The following BNC2 variants were observed in gnomAD, a reference collection of about 807,000 sequenced individuals.
BNC2 encodes basonuclin zinc finger protein 2, also known as zinc finger protein basonuclin-2.
A neutral mutation model predicts 76.3 loss-of-function variants in BNC2; 20 were observed. That is an observed-to-expected ratio of 0.26 (90% CI 0.18 to 0.38). The LOEUF (loss-of-function observed/expected upper bound fraction) is 0.38. Among genes scored for constraint, BNC2 ranks in the 10% least tolerant of loss-of-function variants. The probability of loss-of-function intolerance (pLI) is 1.00; values close to 1 mark genes in which losing one functional copy is unlikely to be tolerated. For missense variants in BNC2, 1,382 were observed against 1,399.8 expected (o/e 0.99, Z 0.20); for synonymous variants, 582 against 514.8 (o/e 1.13, Z -1.77).
chr9:16,458,830 T>C (rs1244846236), intron 5 of BNC2, among the ~76,000 whole-genome samples: 1 of 152,222 alleles, frequency 6.6e-6, no homozygotes, highest in Non-Finnish European at 1.5e-5. Context: ...CCTCACTTAA[T>C]TACTCCATCA....
chr9:16,464,803 C>T (rs1393155443), intron 5 of BNC2, among the ~76,000 whole-genome samples: 2 of 152,130 alleles, frequency 1.3e-5, no homozygotes, highest in African/African-American at 4.8e-5. Context: ...ATCTCCTATC[C>T]TTTCTACTTA....
intron 1 of BNC2, among the ~76,000 whole-genome samples, chr9:16,781,083 A>T (rs775801892): frequency 8.6e-5 from 13 of 151,992 alleles, no homozygotes; most frequent in Admixed American, 3.3e-4. Context: ...TAGAGTGGGC[A>T]CTCTAAAAAA....
At chr9:16,818,888 CT>C (rs35848071) in intron 1 of BNC2, among the ~76,000 whole-genome samples, 114,599 of 152,006 alleles carry the variant, frequency 0.75, 43,567 homozygotes, top group Admixed American at 0.79. Flanking sequence ...TTAAGAAGTA[CT>C]TTAGCTAGAG....
At chr9:16,492,876 G>A (rs1272891814) in intron 5 of BNC2, among the ~76,000 whole-genome samples, 1 of 151,974 alleles carries the variant, frequency 6.6e-6, no homozygotes, top group African/African-American at 2.4e-5. Flanking sequence ...CTGAAACGTT[G>A]TGTCTTAAGT....
rs1341269345 is a variant in BNC2 at position 16,415,127 on chromosome 9, G to A, written c.*3862C>T. 2 of 152,092 alleles carry A rather than the reference G, an allele frequency of 1.3e-5. No homozygotes were observed. The highest frequency in any genetic ancestry group is 4.8e-5 in the African/African-American group (2 of 41,392). The allele number at this position is 152,092 out of a possible 1,614,324, so 9.4% of individuals were successfully genotyped here. On this transcript the variant is annotated 3_prime_UTR_variant, in exon 7 of 7. Coordinates refer to ENST00000380672, the MANE Select transcript of BNC2 (RefSeq NM_017637.6). Reference sequence around the variant, plus strand: ...ATTAACACCTTTAAACCTTTAAAAGGCATCAGGCTGAACAGGGCAGCTGGA... The same window carrying A: ...ATTAACACCTTTAAACCTTTAAAAGACATCAGGCTGAACAGGGCAGCTGGA...
intron 1 of BNC2, among the ~76,000 whole-genome samples, chr9:16,751,698 A>ATATATATGTGTGTGTGTG (rs1563927032): frequency 2.1e-5 from 3 of 140,278 alleles, no homozygotes; most frequent in Non-Finnish European, 4.6e-5. Context: ...GTGTGTATAT[A>ATATATATGTGTGTGTGTG]TATATATATG....
intron 1 of BNC2, among the ~76,000 whole-genome samples, chr9:16,783,195 T>C (rs1826200507): frequency 6.6e-6 from 1 of 152,328 alleles, no homozygotes; most frequent in South Asian, 2.1e-4. Context: ...TTATACCACA[T>C]TTCCTGAACT....
At chr9:16,465,187 A>C (rs1247475307) in intron 5 of BNC2, among the ~76,000 whole-genome samples, 1 of 152,166 alleles carries the variant, frequency 6.6e-6, no homozygotes, top group Non-Finnish European at 1.5e-5. Flanking sequence ...TGTAATCCCA[A>C]CACTTTGAGA....
chr9:16,470,639 T>C (rs548139008), intron 5 of BNC2, among the ~76,000 whole-genome samples: 1 of 152,306 alleles, frequency 6.6e-6, no homozygotes, highest in East Asian at 1.9e-4. Context: ...GGGGCCAACA[T>C]ACAGCTTGGG....
At chr9:16,657,023 G>A (rs1013067811) in intron 3 of BNC2, among the ~76,000 whole-genome samples, 1 of 152,088 alleles carries the variant, frequency 6.6e-6, no homozygotes, top group Non-Finnish European at 1.5e-5. Flanking sequence ...ACTATAGTGG[G>A]GCAAGGGTAG....
In BNC2 at chr9:16,555,431, G is replaced by A. The variant is rs568134318; in HGVS notation, c.434-2666C>T. ...AAAATATTTCCCTAGATATGCTTTCGAGAACACCTGAGACTGAGGATATTA... is the reference window on the plus strand; with the variant it reads ...AAAATATTTCCCTAGATATGCTTTCAAGAACACCTGAGACTGAGGATATTA... On this transcript the variant is annotated intron_variant, in intron 4 of 6. Coordinates refer to ENST00000380672, the MANE Select transcript of BNC2 (RefSeq NM_017637.6). Among the ~76,000 whole-genome samples the A allele has an allele frequency of 1.6e-4, 25 of 152,254 alleles. No homozygotes were observed. The East Asian group carries it at 4.1e-3, about 25-fold the overall frequency.
At chr9:16,549,105 T>G (rs1235024793) in intron 5 of BNC2, among the ~76,000 whole-genome samples, 1 of 152,218 alleles carries the variant, frequency 6.6e-6, no homozygotes, top group Non-Finnish European at 1.5e-5. Context: ...TTGAAAGTTC[T>G]GCTCCCCTCT....
chr9:16,836,805 AAAAG>A (rs777246984), intron 1 of BNC2, among the ~76,000 whole-genome samples: 4 of 152,184 alleles, frequency 2.6e-5, no homozygotes, highest in Non-Finnish European at 5.9e-5. Flanking sequence ...AAAAAAATAA[AAAAG>A]AAAGAAAAAT....
At chr9:16,516,557 A>G (rs1323249754) in intron 5 of BNC2, among the ~76,000 whole-genome samples, 1 of 151,982 alleles carries the variant, frequency 6.6e-6, no homozygotes, top group Non-Finnish European at 1.5e-5. Flanking sequence ...TGAGAACTCA[A>G]AGAGTCTTTA....
intron 5 of BNC2, among the ~76,000 whole-genome samples, chr9:16,529,782 C>T (rs77514323): frequency 6.6e-6 from 1 of 152,128 alleles, no homozygotes; most frequent in African/African-American, 2.4e-5. Context: ...TACCTGACAA[C>T]TGTTCCACTA....
intron 5 of BNC2, among the ~76,000 whole-genome samples, chr9:16,518,774 T>C (rs1055613048): frequency 1.4e-4 from 21 of 152,224 alleles, no homozygotes; most frequent in African/African-American, 4.8e-4. Flanking sequence ...CTAATGTTTG[T>C]ATTTTTGGTA....
intron 1 of BNC2, among the ~76,000 whole-genome samples, chr9:16,837,330 C>T (rs1818730281): frequency 3.3e-5 from 5 of 152,114 alleles, no homozygotes; most frequent in Admixed American, 3.3e-4. Flanking sequence ...ATAGTGAAAT[C>T]CCGTCTCTAC....
chr9:16,820,805 GAA>G (rs753728302), intron 1 of BNC2, among the ~76,000 whole-genome samples: 1 of 137,084 alleles, frequency 7.3e-6, no homozygotes, highest in African/African-American at 2.7e-5. Flanking sequence ...TGTATAAAGG[GAA>G]AAAAAAAAAA....
intron 6 of BNC2, among the ~76,000 whole-genome samples, chr9:16,431,814 G>A (rs951081972): frequency 3.3e-5 from 5 of 152,064 alleles, no homozygotes; most frequent in African/African-American, 1.2e-4. Context: ...TTCTCATAAG[G>A]AGTACGCAGC....
Sources: gnomAD v4.1 joint callset for allele counts (sites outside exome capture counted in the v4.1 genomes callset) on GRCh38, gnomAD v4.1.1 for gene constraint, MANE v1.5 for transcripts, NCBI Gene and HGNC (gene_info 2026-07-23, HGNC 2026-07-21) for gene names.